The following RAI14 variants were observed in gnomAD, a reference collection of about 807,000 sequenced individuals.
RAI14 encodes ankycorbin.
In RAI14, 45 loss-of-function variants were observed where a neutral mutation model predicts 115.4. That is an observed-to-expected ratio of 0.39 (90% CI 0.31 to 0.50). The LOEUF (loss-of-function observed/expected upper bound fraction) is 0.50. RAI14 is among the 20% of genes least tolerant of loss of function. The pLI, the probability that RAI14 is intolerant of heterozygous loss-of-function variation, is 0.85. For missense variants in RAI14, 939 were observed against 1,131.2 expected (o/e 0.83, Z 2.44); for synonymous variants, 371 against 415.4 (o/e 0.89, Z 1.30).
chr5:34,678,079 G>A (rs1579881649), intron 1 of RAI14, among the ~76,000 whole-genome samples: 2 of 149,976 alleles, frequency 1.3e-5, no homozygotes, highest in Non-Finnish European at 3.0e-5. Flanking sequence ...AGAAGTTAGA[G>A]GGATAAAAAA....
intron 2 of RAI14, among the ~76,000 whole-genome samples, chr5:34,739,280 G>C (rs944857941): frequency 3.9e-5 from 6 of 152,088 alleles, no homozygotes; most frequent in African/African-American, 1.4e-4. Flanking sequence ...TTGCAGTTGA[G>C]GCACACAGGG....
chr5:34,771,672 T>C (rs1369720575), intron 3 of RAI14, among the ~76,000 whole-genome samples: 1 of 152,204 alleles, frequency 6.6e-6, no homozygotes, highest in Non-Finnish European at 1.5e-5. Flanking sequence ...TGGGAAGGTT[T>C]GCACAACTTG....
intron 3 of RAI14, among the ~76,000 whole-genome samples, chr5:34,778,515 A>G (rs925614793): frequency 3.3e-5 from 5 of 152,172 alleles, no homozygotes; most frequent in African/African-American, 9.7e-5. Flanking sequence ...AGTACCTGCT[A>G]TCCCAGGTAG....
intron 3 of RAI14, among the ~76,000 whole-genome samples, chr5:34,766,205 G>T (rs1580182826): frequency 6.6e-6 from 1 of 152,174 alleles, no homozygotes; most frequent in South Asian, 2.1e-4. Flanking sequence ...CCCTACTGGG[G>T]TACCAGCTAG....
intron 3 of RAI14, among the ~76,000 whole-genome samples, chr5:34,792,167 A>G (rs185099629): frequency 6.6e-6 from 1 of 152,190 alleles, no homozygotes; most frequent in Admixed American, 6.5e-5. Context: ...GAGAGTCTGG[A>G]GAAATGAATC....
At chr5:34,732,688 C>T (rs1480362284) in intron 2 of RAI14, among the ~76,000 whole-genome samples, 2 of 151,210 alleles carry the variant, frequency 1.3e-5, no homozygotes, top group African/African-American at 4.9e-5. Context: ...ATCCACCCTC[C>T]TGGCCTCCCA....
chr5:34,734,693 G>T (rs1744638950), intron 2 of RAI14, among the ~76,000 whole-genome samples: 1 of 150,768 alleles, frequency 6.6e-6, no homozygotes, highest in Non-Finnish European at 1.5e-5. Flanking sequence ...ACAGAGTCTT[G>T]CTCTGTTGCG....
chr5:34,748,853 C>T (rs1340628842), intron 2 of RAI14, among the ~76,000 whole-genome samples: 1 of 150,742 alleles, frequency 6.6e-6, no homozygotes, highest in East Asian at 1.9e-4. Context: ...AAAGGCTATA[C>T]TGCATGTAAA....
chr5:34,824,395 A>T lies in RAI14; in HGVS notation c.2553A>T (p.Glu851Asp). The T allele has an allele frequency of 6.2e-7, 1 of 1,609,992 alleles. No homozygotes were observed. Among genetic ancestry groups the T allele is most frequent in the East Asian group, 2.2e-5 (1 of 44,760 alleles). The change falls in exon 15 of 18, where the codon GAA (glutamate) becomes GAT (aspartate). Residue 851 changes from glutamate to aspartate, a missense_variant. Coordinates refer to ENST00000265109, the MANE Select transcript of RAI14 (RefSeq NM_015577.3). ...AATCCAAAGAGCAAGAAGTAAATGAACTTCTGCAAAAATTCCAGCAAGCTC... is the reference window on the plus strand; with the variant it reads ...AATCCAAAGAGCAAGAAGTAAATGATCTTCTGCAAAAATTCCAGCAAGCTC... Reference protein sequence around the residue: ...LLKSKEQEVNELLQKFQQAQE... With the variant: ...LLKSKEQEVNDLLQKFQQAQE...
At chr5:34,660,742 T>A (rs1187029748) in intron 1 of RAI14, among the ~76,000 whole-genome samples, 5 of 152,124 alleles carry the variant, frequency 3.3e-5, no homozygotes, top group African/African-American at 1.2e-4. Flanking sequence ...TTTAAACACA[T>A]TGGCGTCCTC....
At chr5:34,669,014 G>A (rs1276779081) in intron 1 of RAI14, among the ~76,000 whole-genome samples, 3 of 151,960 alleles carry the variant, frequency 2.0e-5, no homozygotes, top group Non-Finnish European at 4.4e-5. Flanking sequence ...GTGCCACCAC[G>A]TCCAGCTAAT....
chr5:34,668,513 C>G (rs1396556090), intron 1 of RAI14, among the ~76,000 whole-genome samples: 1 of 152,088 alleles, frequency 6.6e-6, no homozygotes, highest in African/African-American at 2.4e-5. Context: ...CAAGCACAGG[C>G]CCACTTCAGA....
rs761936666 is a variant in RAI14 at position 34,823,938 on chromosome 5, T to C, written c.2096T>C (p.Leu699Pro). ...TCCAGGGCTAAAGCAGAAGATGCAC[T>C]GTCTGAAATGAAGTCTCAGTATTCA... ...NVSRAKAEDA[L>P]SEMKSQYSKV... The change falls in exon 15 of 18, where the codon CTG (leucine) becomes CCG (proline). Residue 699 changes from leucine (L) to proline (P), a missense_variant. By Grantham distance (98) the Leu-to-Pro change is moderately conservative. Coordinates refer to ENST00000265109, the MANE Select transcript of RAI14 (RefSeq NM_015577.3). The surrounding 1 kb of genome is among the most constrained non-coding windows in gnomAD (Gnocchi z 4.5). 6.2e-7 allele frequency: 1 copy of C among 1,614,196 alleles called. No individual in the cohort carries two copies. The highest frequency in any genetic ancestry group is 8.5e-7 in the Non-Finnish European group (1 of 1,180,034).
At chr5:34,796,767 G>T (rs946773710) in intron 4 of RAI14, among the ~76,000 whole-genome samples, 1 of 152,018 alleles carries the variant, frequency 6.6e-6, no homozygotes, top group African/African-American at 2.4e-5. Flanking sequence ...GTACTTCAGG[G>T]CATCCAGTTC....
chr5:34,728,913 C>G (rs1281244323), intron 2 of RAI14, among the ~76,000 whole-genome samples: 2 of 151,544 alleles, frequency 1.3e-5, no homozygotes, highest in Non-Finnish European at 2.9e-5. Flanking sequence ...CAGACTCTGT[C>G]TCTAAACAGA....
At chr5:34,667,438 G>A (rs1743303504) in intron 1 of RAI14, 1 of 152,142 alleles carries the variant, frequency 6.6e-6, no homozygotes, top group African/African-American at 2.4e-5. Flanking sequence ...GTTTCATCAT[G>A]TTACCCGGGC....
At chr5:34,700,657 G>A (rs1026913742) in intron 2 of RAI14, among the ~76,000 whole-genome samples, 2 of 152,224 alleles carry the variant, frequency 1.3e-5, no homozygotes, top group Admixed American at 6.5e-5. Flanking sequence ...GGGTTTTCTG[G>A]ATGTGTTTCC....
chr5:34,803,812 G>A lies in RAI14; in HGVS notation c.321+36G>A, dbSNP rs758396486. 46 of 1,565,164 alleles carry A rather than the reference G, an allele frequency of 2.9e-5. No homozygotes were observed. In the South Asian group the frequency reaches 4.2e-4, roughly 14 times the overall value. ...GACAACTTAGAATTATAAATGTGTC[G>A]GTTTTACAATTTGAAAGTAATCATA... On this transcript the variant is annotated intron_variant, in intron 5 of 17. Transcript: ENST00000265109.
intron 7 of RAI14, among the ~76,000 whole-genome samples, chr5:34,808,960 A>G (rs1580331909): frequency 6.6e-6 from 1 of 152,090 alleles, no homozygotes; most frequent in South Asian, 2.1e-4. Flanking sequence ...AGTACTGCTC[A>G]CTCGCCTGCC....
Sources: allele counts gnomAD v4.1 joint callset (sites outside exome capture counted in the v4.1 genomes callset), GRCh38; gene constraint gnomAD v4.1.1; non-coding constraint Gnocchi (gnomAD v3.1); transcripts MANE v1.5; gene names NCBI Gene and HGNC (gene_info 2026-07-23, HGNC 2026-07-21).